The following CA5A variants were observed in gnomAD, a reference collection of about 807,000 sequenced individuals.
CA5A encodes carbonic anhydrase 5A, mitochondrial.
Under a neutral mutation model 37.1 loss-of-function variants are expected in CA5A, and 28 were observed. The ratio of observed to expected loss-of-function variants is 0.75; its 90% CI spans 0.56 to 1.03. The LOEUF (loss-of-function observed/expected upper bound fraction) is 1.03. Ranked by LOEUF, CA5A falls within the 50% of genes least tolerant of loss-of-function variation. CA5A has a pLI of 0.00. For synonymous variants in CA5A, 171 were observed against 158.4 expected (o/e 1.08, Z -0.60); for missense variants, 444 against 399.9 (o/e 1.11, Z -0.94).
chr16:87,903,036 T>TGG (rs142644010), intron 3 of CA5A, among the ~76,000 whole-genome samples: 3,803 of 150,630 alleles, frequency 0.025, 51 homozygotes, highest in African/African-American at 0.044. Flanking sequence ...GTCTTCCTGG[T>TGG]GGGGGGGGAA....
intron 1 of CA5A, among the ~76,000 whole-genome samples, chr16:87,931,841 G>A (rs968774699): frequency 2.6e-5 from 4 of 152,210 alleles, no homozygotes; most frequent in South Asian, 2.1e-4. Flanking sequence ...CGCGGGAGCC[G>A]GCGGCCACAA....
intron 5 of CA5A, 74 bp from the exon 6 acceptor site, chr16:87,892,028 G>T: frequency 7.3e-7 from 1 of 1,364,960 alleles, no homozygotes; most frequent in Non-Finnish European, 9.7e-7. Context: ...CTCAGCACGT[G>T]AGGCCTTCAT....
downstream of CA5A, chr16:87,884,261 C>CAAAAAAAAAAAAAAA (rs969489629): frequency 3.7e-5 from 1 of 26,796 alleles, no homozygotes; most frequent in Non-Finnish European, 7.9e-5. Flanking sequence ...ACTAAAAATG[C>CAAAAAAAAAAAAAAA]AAAAAAAAAA....
intron 6 of CA5A, among the ~76,000 whole-genome samples, chr16:87,888,652 A>G (rs2055671710): frequency 6.6e-6 from 1 of 152,224 alleles, no homozygotes; most frequent in Non-Finnish European, 1.5e-5. Flanking sequence ...AGATTGCTAC[A>G]GTCCCAGCTG....
chr16:87,890,109 C>T (rs1408423846), intron 6 of CA5A, among the ~76,000 whole-genome samples: 2 of 152,240 alleles, frequency 1.3e-5, no homozygotes, highest in Non-Finnish European at 2.9e-5. Flanking sequence ...GGCTCCCCTG[C>T]TCAGGATAAG....
At chr16:87,925,676 A>G (rs972960730) in intron 2 of CA5A, 1 of 152,228 alleles carries the variant, frequency 6.6e-6, no homozygotes, top group Non-Finnish European at 1.5e-5. Flanking sequence ...CCCATACCTC[A>G]GAGCATCTGC....
At position 87,936,192 on chromosome 16, in the gene CA5A, G is replaced by A. The variant is rs60005648; in HGVS notation, c.142+117C>T. 4,878 of 560,572 alleles carry A rather than the reference G, an allele frequency of 8.7e-3. 171 individuals carry two copies. The highest frequency in any genetic ancestry group is 0.084 in the African/African-American group (4,083 of 48,412). 34.7% of individuals were successfully genotyped at this position (560,572 alleles called of 1,614,324 possible). A position where few individuals can be genotyped will look rare whatever the true frequency, so the allele number is the denominator to read the frequency against. ...ATCTTAAAAAAAAAAAAAAAAAAAC[G>A]GAGTGGAAATCTGAACCCATCTGGC... On this transcript the variant is annotated intron_variant, in intron 1 of 6. Transcript: ENST00000649794.
At chr16:87,910,384 C>G (rs924767458) in intron 2 of CA5A, among the ~76,000 whole-genome samples, 2 of 152,140 alleles carry the variant, frequency 1.3e-5, no homozygotes, top group African/African-American at 4.8e-5. Flanking sequence ...TCCTGTGAGT[C>G]CAACTTTGAG....
chr16:87,914,014 T>G (rs973340924), intron 2 of CA5A, among the ~76,000 whole-genome samples: 1 of 152,232 alleles, frequency 6.6e-6, no homozygotes, highest in Admixed American at 6.5e-5. Context: ...ATTTCCCCGA[T>G]GACCTTTTCC....
chr16:87,896,663 A>G (rs2055807097), intron 5 of CA5A, among the ~76,000 whole-genome samples: 1 of 152,190 alleles, frequency 6.6e-6, no homozygotes, highest in Non-Finnish European at 1.5e-5. Flanking sequence ...TTTTTGAGAC[A>G]GAGTTTCACT....
intron 2 of CA5A, among the ~76,000 whole-genome samples, chr16:87,913,395 T>C (rs1285511460): frequency 4.0e-5 from 6 of 150,830 alleles, no homozygotes; most frequent in African/African-American, 1.5e-4. Context: ...CTCAACCTCC[T>C]GGGCGCAAGC....
intron 5 of CA5A, among the ~76,000 whole-genome samples, chr16:87,895,087 A>C (rs1426283815): frequency 6.6e-6 from 1 of 151,124 alleles, no homozygotes; most frequent in Admixed American, 6.6e-5. Context: ...CTGACTCTAC[A>C]AAAAATACAA....
intron 4 of CA5A, 110 bp from the exon 5 acceptor site, chr16:87,902,084 T>G: frequency 1.0e-6 from 1 of 983,406 alleles, no homozygotes; most frequent in Non-Finnish European, 1.6e-6. Flanking sequence ...CCAGGTGCGG[T>G]GGCTCATGCC....
At chr16:87,921,126 A>G (rs1438399729) in intron 2 of CA5A, among the ~76,000 whole-genome samples, 1 of 150,522 alleles carries the variant, frequency 6.6e-6, no homozygotes, top group African/African-American at 2.5e-5. Context: ...ATGGGCTTTC[A>G]CCATATTGGC....
intron 2 of CA5A, among the ~76,000 whole-genome samples, chr16:87,926,519 G>T (rs1597584971): frequency 6.6e-6 from 1 of 152,220 alleles, no homozygotes; most frequent in Admixed American, 6.5e-5. Context: ...GTGCATGCAG[G>T]TGCCGGCGGT....
intron 1 of CA5A, among the ~76,000 whole-genome samples, chr16:87,934,066 A>G (rs1245580414): frequency 6.6e-5 from 10 of 152,226 alleles, no homozygotes; most frequent in Non-Finnish European, 1.3e-4. Context: ...TGACAGGGAA[A>G]TGCTTAAATA....
At chr16:87,883,670 T>A (rs112147719), downstream of CA5A, 14,653 of 149,108 alleles carry the variant, frequency 0.098, 804 homozygotes, top group Middle Eastern at 0.18. Flanking sequence ...GGAGTCTCGC[T>A]CTGTTGCCCA....
chr16:87,934,014 C>T (rs1474261282), intron 1 of CA5A, among the ~76,000 whole-genome samples: 5 of 152,202 alleles, frequency 3.3e-5, no homozygotes. Context: ...TGTAAGAGGA[C>T]ATGTTGCCAC....
At chr16:87,936,017 G>A (rs956470204) in intron 1 of CA5A, among the ~76,000 whole-genome samples, 14 of 151,538 alleles carry the variant, frequency 9.2e-5, no homozygotes, top group East Asian at 1.9e-4. Context: ...CTAAAAATAC[G>A]AAAAATTAGC....
Sources: gnomAD v4.1 joint callset for allele counts (sites outside exome capture counted in the v4.1 genomes callset) on GRCh38, gnomAD v4.1.1 for gene constraint, MANE v1.5 for transcripts, NCBI Gene and HGNC (gene_info 2026-07-23, HGNC 2026-07-21) for gene names.